SRRM3: variants seen among roughly 807,000 people sequenced by gnomAD.
SRRM3 encodes the protein serine/arginine repetitive matrix 3, also known as serine/arginine repetitive matrix protein 3.
Under a neutral mutation model 66.2 loss-of-function variants are expected in SRRM3, and 27 were observed. That is an observed-to-expected ratio of 0.41 (90% CI 0.30 to 0.56). The LOEUF is 0.56. Among genes scored for constraint, SRRM3 ranks in the 20% least tolerant of loss-of-function variants. SRRM3 has a pLI of 0.32. For synonymous variants in SRRM3, 391 were observed against 414.9 expected, an observed-to-expected ratio of 0.94 and a Z score of 0.70; for missense variants, 918 against 991.9, an observed-to-expected ratio of 0.93 and a Z score of 1.00.
At chr7:76,267,172 G>A in intron 10 of SRRM3, 86 bp from the exon 11 acceptor site, 1 of 1,254,722 alleles carries the variant, frequency 8.0e-7, no homozygotes, top group Non-Finnish European at 1.1e-6. Context: ...TCCCCGTGCT[G>A]GGGAAGGGGG....
Position 76,286,087 on chromosome 7 carries a change from G to A in SRRM3, c.*244G>A, listed in dbSNP as rs976649309. 1.4e-5 allele frequency: 8 copies of A among 576,592 alleles called. No individual in the cohort carries two copies. The highest frequency in any genetic ancestry group is 3.3e-5 in the Admixed American group (1 of 30,598). The allele number at this position is 576,592 out of a possible 1,614,324, so 35.7% of individuals were successfully genotyped here. ...CACCTCCTGTCCACCCACTGTGCCC[G>A]GGGAACAAAGAGCCGTTACGAACAC... is the stretch of plus-strand genomic sequence containing the variant. On this transcript the variant is annotated 3_prime_UTR_variant, in exon 15 of 15. Transcript: ENST00000611745.
chr7:76,239,563 T>C (rs1801231678), intron 2 of SRRM3, among the ~76,000 whole-genome samples: 1 of 151,956 alleles, frequency 6.6e-6, no homozygotes, highest in Non-Finnish European at 1.5e-5. Context: ...ACTAGCCAGG[T>C]GTGGTGGCAC....
At position 76,283,038 on chromosome 7, in the gene SRRM3, A is replaced by G; in HGVS notation, c.1670A>G (p.Tyr557Cys). 6.7e-7 allele frequency: 1 copy of G among 1,491,828 alleles called. No homozygotes were observed. The highest frequency in any genetic ancestry group is 8.8e-7 in the Non-Finnish European group (1 of 1,131,364). 92.4% of individuals were successfully genotyped at this position (1,491,828 alleles called of 1,614,324 possible). The change falls in exon 14 of 15, where the codon TAC (tyrosine) becomes TGC (cysteine). Residue 557 changes from tyrosine to cysteine, a missense_variant. Coordinates refer to ENST00000611745, the MANE Select transcript of SRRM3 (RefSeq NM_001110199.3). ...ATRARRRSRS[Y>C]SPIRKRRRDS... ...CGCGCCCGGCGCCGCTCCCGCAGCT[A>G]CTCGCCCATCCGCAAGCGGCGCCGG...
In SRRM3 at chr7:76,261,349, C is replaced by T; in HGVS notation, c.576-3C>T. On this transcript the variant is annotated splice_region_variant and splice_polypyrimidine_tract_variant and intron_variant, in intron 6 of 14. Coordinates refer to ENST00000611745, the MANE Select transcript of SRRM3 (RefSeq NM_001110199.3). The stretch of plus-strand genomic sequence containing the variant: ...ACTAGAGCCCACCTCCCTGTGTCCA[C>T]AGCTGTGGGAGCTCCTCACCCCTCC... 2 of 1,405,926 alleles carry T rather than the reference C, an allele frequency of 1.4e-6. No individual in the cohort carries two copies. Among genetic ancestry groups the T allele is most frequent in the Non-Finnish European group, 1.9e-6 (2 of 1,052,002 alleles). The allele number at this position is 1,405,926 out of a possible 1,614,324, so 87.1% of individuals were successfully genotyped here. A position where few individuals can be genotyped will look rare whatever the true frequency, so the allele number is the denominator to read the frequency against.
chr7:76,282,904 C>T (rs1414354573), intron 13 of SRRM3, 32 bp downstream of exon 13: 3 of 1,310,498 alleles, frequency 2.3e-6, no homozygotes, highest in East Asian at 6.3e-5. Flanking sequence ...GCCGACGGGG[C>T]GGGCGGCGGG....
intron 2 of SRRM3, among the ~76,000 whole-genome samples, chr7:76,243,061 C>A (rs1170575310): frequency 6.6e-6 from 1 of 152,166 alleles, no homozygotes; most frequent in Non-Finnish European, 1.5e-5. Flanking sequence ...GACCCAAACA[C>A]CTCCCACCAG....
intron 1 of SRRM3, among the ~76,000 whole-genome samples, chr7:76,207,852 G>C (rs1800338119): frequency 1.3e-5 from 2 of 152,124 alleles, no homozygotes; most frequent in Non-Finnish European, 2.9e-5. Context: ...ACTCCAGCCT[G>C]AGCAACAGAG....
At chr7:76,232,706 C>T (rs1801044547) in intron 1 of SRRM3, among the ~76,000 whole-genome samples, 3 of 151,922 alleles carry the variant, frequency 2.0e-5, no homozygotes, top group Admixed American at 1.3e-4. Context: ...GGGCCTGGAG[C>T]CAAGAGAGGT....
intron 1 of SRRM3, among the ~76,000 whole-genome samples, chr7:76,205,061 G>A (rs1368741371): frequency 2.0e-5 from 3 of 150,170 alleles, no homozygotes; most frequent in Non-Finnish European, 4.4e-5. Context: ...GCTCCCCTCC[G>A]CAACTCCTTC....
chr7:76,256,027 A>G (rs1801703546), intron 3 of SRRM3, among the ~76,000 whole-genome samples: 1 of 152,076 alleles, frequency 6.6e-6, no homozygotes, highest in Admixed American at 6.6e-5. Context: ...CTTTCCCTCG[A>G]TGTATAGATA....
chr7:76,234,207 G>A (rs899567560), intron 1 of SRRM3, among the ~76,000 whole-genome samples: 3 of 151,824 alleles, frequency 2.0e-5, no homozygotes, highest in Non-Finnish European at 4.4e-5. Context: ...GTGTGTGTGT[G>A]TGTGTGTGTG....
intron 11 of SRRM3, among the ~76,000 whole-genome samples, chr7:76,277,277 T>TCCCATCCCACTCTCAGCATAATGTA (rs1419994302): frequency 2.0e-5 from 3 of 152,024 alleles, no homozygotes; most frequent in Non-Finnish European, 2.9e-5. Flanking sequence ...CTCCTAACAC[T>TCCCATCCCACTCTCAGCATAATGTA]CCCATCCCAC....
chr7:76,225,516 G>A (rs1563613013), intron 1 of SRRM3, among the ~76,000 whole-genome samples: 1 of 94,274 alleles, frequency 1.1e-5, no homozygotes, highest in Non-Finnish European at 2.0e-5. Context: ...TCTCAGCCCC[G>A]GCAGCAAATG....
At chr7:76,257,443 T>TA (rs34478728) in intron 3 of SRRM3, among the ~76,000 whole-genome samples, 1,966 of 95,242 alleles carry the variant, frequency 0.021, 26 homozygotes, top group African/African-American at 0.027. Flanking sequence ...CTTGTTCAAT[T>TA]AAAAAAAAAA....
At chr7:76,261,204 C>T in intron 6 of SRRM3, 148 bp from the exon 7 acceptor site, 4 of 681,168 alleles carry the variant, frequency 5.9e-6, no homozygotes, top group South Asian at 2.0e-5. Flanking sequence ...CTTGGGGCCT[C>T]GGGTCACTCT....
chr7:76,217,260 C>T (rs1220854722), intron 1 of SRRM3, among the ~76,000 whole-genome samples: 5 of 152,142 alleles, frequency 3.3e-5, no homozygotes, highest in East Asian at 1.9e-4. Context: ...AGAAAGAGCA[C>T]GGCTCAAAAG....
At chr7:76,265,858 A>ATATT (rs1554609525) in intron 10 of SRRM3, among the ~76,000 whole-genome samples, 22 of 8,370 alleles carry the variant, frequency 2.6e-3, no homozygotes, top group Non-Finnish European at 3.1e-3. Flanking sequence ...ATATATATAT[A>ATATT]TTTTTTTTTT....
chr7:76,218,394 G>A (rs1800620032), intron 1 of SRRM3, among the ~76,000 whole-genome samples: 1 of 152,104 alleles, frequency 6.6e-6, no homozygotes, highest in African/African-American at 2.4e-5. Context: ...AGCTGAAGCT[G>A]CTTCTGTAGA....
intron 11 of SRRM3, chr7:76,269,934 A>G (rs868950903): frequency 1.9e-4 from 29 of 151,658 alleles, no homozygotes; most frequent in African/African-American, 6.5e-4. Flanking sequence ...ACATCTCTAT[A>G]TACTTTTTTT....
Sources: allele counts gnomAD v4.1 joint callset (sites outside exome capture counted in the v4.1 genomes callset), GRCh38; gene constraint gnomAD v4.1.1; transcripts MANE v1.5; gene names NCBI Gene and HGNC (gene_info 2026-07-23, HGNC 2026-07-21).